Variants in CAMTA1 observed in about 807,000 individuals in gnomAD.
CAMTA1 encodes calmodulin binding transcription activator 1.
A neutral mutation model predicts 170.9 loss-of-function variants in CAMTA1; 27 were observed. The ratio of observed to expected loss-of-function variants is 0.16; its 90% CI spans 0.12 to 0.22. The LOEUF is 0.22. CAMTA1 is among the 10% of genes least tolerant of loss of function. The pLI, the probability that CAMTA1 is intolerant of heterozygous loss-of-function variation, is 1.00. For missense variants in CAMTA1, 1,619 were observed against 2,217.2 expected (o/e 0.73, Z 5.42); for synonymous variants, 833 against 891.5 (o/e 0.93, Z 1.17).
At chr1:7,483,803 G>A (rs1347038270) in intron 6 of CAMTA1, among the ~76,000 whole-genome samples, 1 of 152,088 alleles carries the variant, frequency 6.6e-6, no homozygotes, top group Admixed American at 6.5e-5. Context: ...CAGGGAGCTG[G>A]AGAACGCAGC....
At chr1:6,907,968 C>G (rs774170250) in intron 3 of CAMTA1, among the ~76,000 whole-genome samples, 4 of 152,188 alleles carry the variant, frequency 2.6e-5, no homozygotes, top group Non-Finnish European at 5.9e-5. Context: ...CTTCCGGCTC[C>G]CTCGCCAGCC....
chr1:7,600,799 G>A (rs1448079799), intron 6 of CAMTA1, among the ~76,000 whole-genome samples: 1 of 151,968 alleles, frequency 6.6e-6, no homozygotes, highest in Admixed American at 6.6e-5. Flanking sequence ...AGGGTTGGGG[G>A]TAAGGTCACA....
chr1:7,484,067 G>T (rs781239877), intron 6 of CAMTA1, among the ~76,000 whole-genome samples: 2 of 152,224 alleles, frequency 1.3e-5, no homozygotes, highest in East Asian at 1.9e-4. Flanking sequence ...TGTAGACCCA[G>T]CATTCACTCT....
At chr1:7,192,776 A>G (rs888302513) in intron 4 of CAMTA1, among the ~76,000 whole-genome samples, 1 of 152,198 alleles carries the variant, frequency 6.6e-6, no homozygotes, top group African/African-American at 2.4e-5. Context: ...TTACATTGTG[A>G]GTCAATGACA....
At chr1:7,257,081 G>GA (rs763699966) in intron 5 of CAMTA1, among the ~76,000 whole-genome samples, 34 of 150,306 alleles carry the variant, frequency 2.3e-4, no homozygotes, top group Non-Finnish European at 3.7e-4. Context: ...CATGGCGGGG[G>GA]CGGGGGTTGG....
At chr1:6,960,229 G>A (rs1690134040) in intron 3 of CAMTA1, among the ~76,000 whole-genome samples, 1 of 152,190 alleles carries the variant, frequency 6.6e-6, no homozygotes, top group Non-Finnish European at 1.5e-5. Context: ...TTGCTTTCAA[G>A]GGGCAGAGAC....
At chr1:7,136,756 G>C (rs1404630460) in intron 4 of CAMTA1, among the ~76,000 whole-genome samples, 2 of 152,160 alleles carry the variant, frequency 1.3e-5, no homozygotes, top group African/African-American at 4.8e-5. Flanking sequence ...AGTGGCATTT[G>C]ACATGACTGG....
At chr1:7,440,932 C>T (rs1034663728) in intron 5 of CAMTA1, among the ~76,000 whole-genome samples, 3 of 152,222 alleles carry the variant, frequency 2.0e-5, no homozygotes, top group African/African-American at 7.2e-5. Flanking sequence ...GCTTGGTCCT[C>T]CTACCTCGTG....
chr1:7,062,010 C>T (rs1416076996), intron 3 of CAMTA1, among the ~76,000 whole-genome samples: 3 of 152,078 alleles, frequency 2.0e-5, no homozygotes, highest in Non-Finnish European at 2.9e-5. Context: ...CTCCGCCTAC[C>T]GGGTTCAAGT....
Position 6,819,113 on chromosome 1 carries a change from C to T in CAMTA1, c.46-1068C>T, listed in dbSNP as rs369498839. ...AGACTACAGGCACAAGCCACCATGC[C>T]TGGTAGCTTTTAAATATAAAATGTT... On this transcript the variant is annotated intron_variant, in intron 1 of 22. Transcript: ENST00000303635. Among the ~76,000 whole-genome samples the T allele has an allele frequency of 3.9e-4, 59 of 152,204 alleles. 1 individual carries two copies. The East Asian group carries it at 4.8e-3, about 12-fold the overall frequency.
intron 6 of CAMTA1, among the ~76,000 whole-genome samples, chr1:7,483,223 T>C (rs1231857528): frequency 6.6e-6 from 1 of 152,144 alleles, no homozygotes; most frequent in African/African-American, 2.4e-5. Context: ...AGATTTGTCA[T>C]TGCAGTCAGA....
intron 4 of CAMTA1, among the ~76,000 whole-genome samples, chr1:7,206,570 G>A (rs1159189411): frequency 6.6e-6 from 1 of 152,086 alleles, no homozygotes; most frequent in Admixed American, 6.6e-5. Flanking sequence ...GTGGATGTTT[G>A]TAACTCTATT....
intron 4 of CAMTA1, among the ~76,000 whole-genome samples, chr1:7,207,969 T>A (rs1037629697): frequency 8.5e-5 from 13 of 152,218 alleles, no homozygotes; most frequent in African/African-American, 3.1e-4. Context: ...AGCATATGGG[T>A]AAGAAGTTTC....
rs536723507 is a variant in CAMTA1, at chr1:7,540,710, G to A, written c.510+72809G>A. 8.8e-5 allele frequency among the ~76,000 whole-genome samples: 13 copies of A among 147,270 alleles called. No homozygotes were observed. The South Asian group carries it at 2.6e-3, about 30-fold the overall frequency. On this transcript the variant is annotated intron_variant, in intron 6 of 22. Coordinates refer to ENST00000303635, the MANE Select transcript of CAMTA1 (RefSeq NM_015215.4). ...CCTTCCAGAGTACAAGTGGAAACACGTGGGCCAGTTGAGGGTAAAAAATGC... is the reference window on the plus strand; with the variant it reads ...CCTTCCAGAGTACAAGTGGAAACACATGGGCCAGTTGAGGGTAAAAAATGC...
At chr1:7,129,139 A>G (rs1188302812) in intron 4 of CAMTA1, among the ~76,000 whole-genome samples, 2 of 151,944 alleles carry the variant, frequency 1.3e-5, no homozygotes, top group Non-Finnish European at 2.9e-5. Context: ...CGCCCAGCCT[A>G]GCCCCATTTT....
chr1:7,655,614 C>G (rs2095894856), intron 7 of CAMTA1, among the ~76,000 whole-genome samples: 1 of 136,018 alleles, frequency 7.4e-6, no homozygotes, highest in South Asian at 2.5e-4. Context: ...CTATACACAC[C>G]CACACACCTA....
rs372031341 is a variant in CAMTA1, at chr1:7,732,563, C to T, written c.3030C>T (p.Gly1010=). Residue 1010 remains glycine, a synonymous_variant, in exon 12 of 23, where the codon GGC becomes GGT. Transcript: ENST00000303635. The surrounding 1 kb of genome is among the most constrained non-coding windows in gnomAD (Gnocchi z 4.1). Reference sequence around the variant, plus strand: ...CGAGCGGAGGCGGCAGCAGTGGAGGCGGCAGCGGGAGCGGGAATGGAGGGA... The same window carrying T: ...CGAGCGGAGGCGGCAGCAGTGGAGGTGGCAGCGGGAGCGGGAATGGAGGGA... ...KQASGGGSSG[G]GSGSGNGGSQ... 18 of 1,612,142 alleles carry T rather than the reference C, an allele frequency of 1.1e-5. No individual in the cohort carries two copies. In the South Asian group the frequency reaches 1.4e-4, roughly 13 times the overall value.
chr1:7,229,551 AT>A (rs1350111592), intron 4 of CAMTA1, among the ~76,000 whole-genome samples: 3 of 37,242 alleles, frequency 8.1e-5, no homozygotes, highest in African/African-American at 2.1e-4. Flanking sequence ...GAGGATGGGG[AT>A]GGGGTGGAGA....
intron 3 of CAMTA1, among the ~76,000 whole-genome samples, chr1:6,926,336 TC>T (rs1683080288): frequency 7.4e-6 from 1 of 135,788 alleles, no homozygotes; most frequent in East Asian, 2.5e-4. Context: ...CCCTCTCCTC[TC>T]CTTTCCTTTC....
Sources: allele counts gnomAD v4.1 joint callset (sites outside exome capture counted in the v4.1 genomes callset), GRCh38; gene constraint gnomAD v4.1.1; non-coding constraint Gnocchi (gnomAD v3.1); transcripts MANE v1.5; gene names NCBI Gene and HGNC (gene_info 2026-07-23, HGNC 2026-07-21).